The following YES1 variants were observed in gnomAD, a reference collection of about 807,000 sequenced individuals.
YES1 encodes YES proto-oncogene 1, Src family tyrosine kinase.
YES1 carries 39 observed loss-of-function variants against 70.4 expected under a neutral mutation model. The observed-to-expected ratio is 0.55, with a 90% CI of 0.43 to 0.72. The LOEUF is 0.72. YES1 is among the 30% of genes least tolerant of loss of function. YES1 has a pLI of 0.00. For missense variants in YES1, 495 were observed against 644.8 expected (o/e 0.77, Z 2.52); for synonymous variants, 198 against 218.6 (o/e 0.91, Z 0.83).
At chr18:743,226 A>G (rs3786347) in intron 7 of YES1, 34 bp downstream of exon 7, 857,195 of 1,598,228 alleles carry the variant, frequency 0.54, 232,263 homozygotes, top group East Asian at 0.69. Flanking sequence ...CCACAGCTAA[A>G]CAATGACAGA....
At chr18:732,476 A>G (rs7236252) in intron 11 of YES1, among the ~76,000 whole-genome samples, 64,592 of 144,720 alleles carry the variant, frequency 0.45, 14,741 homozygotes, top group African/African-American at 0.52. Flanking sequence ...CAATCACACT[A>G]CTGGGAAAGA....
At chr18:778,276 T>C (rs1397096198) in intron 1 of YES1, among the ~76,000 whole-genome samples, 4 of 152,216 alleles carry the variant, frequency 2.6e-5, no homozygotes, top group Non-Finnish European at 5.9e-5. Context: ...GCCTTGTGTA[T>C]AGCATTCTTT....
At chr18:770,420 G>T (rs1905101204) in intron 1 of YES1, among the ~76,000 whole-genome samples, 1 of 151,958 alleles carries the variant, frequency 6.6e-6, no homozygotes, top group South Asian at 2.1e-4. Flanking sequence ...ACATCAATCT[G>T]GTTGCTCTTT....
chr18:809,238 C>T (rs1361321761), intron 1 of YES1, among the ~76,000 whole-genome samples: 1 of 152,004 alleles, frequency 6.6e-6, no homozygotes, highest in East Asian at 1.9e-4. Flanking sequence ...TTAAAGAAAA[C>T]GAACTAGAAC....
intron 8 of YES1, among the ~76,000 whole-genome samples, chr18:740,223 G>T (rs1322736098): frequency 6.6e-6 from 1 of 152,146 alleles, no homozygotes; most frequent in African/African-American, 2.4e-5. Context: ...TGGAACTACT[G>T]CTGTGACCAA....
intron 1 of YES1, 85 bp from the exon 2 acceptor site, chr18:756,920 A>G (rs1336901817): frequency 1.6e-5 from 21 of 1,295,258 alleles, no homozygotes; most frequent in Non-Finnish European, 2.2e-5. Context: ...ATTTTAAGAA[A>G]AGCATATGCC....
At chr18:732,059 C>T (rs933299927) in intron 11 of YES1, among the ~76,000 whole-genome samples, 1 of 150,444 alleles carries the variant, frequency 6.6e-6, no homozygotes, top group South Asian at 2.1e-4. Context: ...TATTAAAGTG[C>T]TGGTTTATAA....
chr18:724,277 T>C lies in YES1; in HGVS notation c.*147A>G. 1.4e-6 allele frequency: 1 copy of C among 718,258 alleles called. No homozygotes were observed. The highest frequency in any genetic ancestry group is 2.3e-6 in the Non-Finnish European group (1 of 440,570). 44.5% of individuals were successfully genotyped at this position (718,258 alleles called of 1,614,324 possible). ...AGTTTAATACTTGGGGAAAAAAAAG[T>C]GGTTTTGTGCAACCATATCTGGGAT... On this transcript the variant is annotated 3_prime_UTR_variant, in exon 12 of 12. Coordinates refer to ENST00000314574, the MANE Select transcript of YES1 (RefSeq NM_005433.4).
In YES1 at chr18:793,342, A is replaced by G. The variant is rs533157967; in HGVS notation, c.-9+18772T>C. On this transcript the variant is annotated intron_variant, in intron 1 of 11. Coordinates refer to ENST00000314574, the MANE Select transcript of YES1 (RefSeq NM_005433.4). ...GCGTGAGCCACCGCGCCTGGCCATT[A>G]TAATTATTACCTGAAATGAGGTTTC... 9.9e-5 allele frequency among the ~76,000 whole-genome samples: 15 copies of G among 151,960 alleles called. No individual in the cohort carries two copies. The South Asian group carries it at 3.1e-3, about 32-fold the overall frequency.
chr18:749,335 T>C (rs1020650423), intron 3 of YES1, among the ~76,000 whole-genome samples: 9 of 150,832 alleles, frequency 6.0e-5, no homozygotes, highest in Non-Finnish European at 1.2e-4. Context: ...CTGTCCCTAC[T>C]AAAAATACAA....
intron 9 of YES1, chr18:739,182 T>G (rs1598894788): frequency 6.6e-6 from 1 of 152,258 alleles, no homozygotes; most frequent in African/African-American, 2.4e-5. Context: ...GACTAAGAGT[T>G]AGATAGCTGG....
chr18:734,201 C>T lies in YES1; in HGVS notation c.1292-1236G>A, dbSNP rs532497487. On this transcript the variant is annotated intron_variant, in intron 10 of 11. Transcript: ENST00000314574. ...GGCTGAGGCAGGAGAATTGCTTGAACCTGGGGGGCAGAGGTTGCAGTGAGC... is the reference window on the plus strand; with the variant it reads ...GGCTGAGGCAGGAGAATTGCTTGAATCTGGGGGGCAGAGGTTGCAGTGAGC... Among the ~76,000 whole-genome samples the T allele has an allele frequency of 2.6e-5, 4 of 151,380 alleles. No homozygotes were observed. The South Asian group carries it at 8.4e-4, about 32-fold the overall frequency.
At position 768,912 on chromosome 18, in the gene YES1, G is replaced by A. The variant is rs150497891; in HGVS notation, c.-8-12077C>T. On this transcript the variant is annotated intron_variant, in intron 1 of 11. Coordinates refer to ENST00000314574, the MANE Select transcript of YES1 (RefSeq NM_005433.4). Reference sequence around the variant, plus strand: ...GAGACAGGGTTTCCCCATGTTGGCTGGGCTGGTCTTGAACTCCTGACCTCC... The same window carrying A: ...GAGACAGGGTTTCCCCATGTTGGCTAGGCTGGTCTTGAACTCCTGACCTCC... Among the ~76,000 whole-genome samples the A allele has an allele frequency of 8.2e-4, 124 of 151,998 alleles. No homozygotes were observed. The East Asian group carries it at 0.022, about 27-fold the overall frequency.
intron 1 of YES1, among the ~76,000 whole-genome samples, chr18:798,679 T>C (rs1344009518): frequency 6.6e-6 from 1 of 152,180 alleles, no homozygotes; most frequent in Non-Finnish European, 1.5e-5. Context: ...ACTTTTCTAC[T>C]CTGACCCCCT....
chr18:744,079 T>A (rs1304050404), intron 6 of YES1, among the ~76,000 whole-genome samples: 2 of 150,522 alleles, frequency 1.3e-5, no homozygotes, highest in Non-Finnish European at 3.0e-5. Context: ...TATATTTTTT[T>A]AAGTTATTAT....
At chr18:769,991 C>T (rs1044968467) in intron 1 of YES1, among the ~76,000 whole-genome samples, 4 of 148,634 alleles carry the variant, frequency 2.7e-5, no homozygotes, top group East Asian at 3.9e-4. Flanking sequence ...CTTGCTCTAT[C>T]GCCCAGACTG....
At chr18:734,364 C>T (rs968361403) in intron 10 of YES1, among the ~76,000 whole-genome samples, 3 of 151,300 alleles carry the variant, frequency 2.0e-5, no homozygotes, top group Non-Finnish European at 2.9e-5. Flanking sequence ...ACCATCCTGG[C>T]TAATACGGTA....
intron 1 of YES1, among the ~76,000 whole-genome samples, chr18:759,454 C>G (rs1363182368): frequency 2.0e-5 from 3 of 152,054 alleles, no homozygotes; most frequent in African/African-American, 7.2e-5. Flanking sequence ...GCGACAAGAA[C>G]GAAACTCCGT....
At chr18:786,068 G>A (rs1293365720) in intron 1 of YES1, among the ~76,000 whole-genome samples, 1 of 152,210 alleles carries the variant, frequency 6.6e-6, no homozygotes, top group African/African-American at 2.4e-5. Flanking sequence ...CCAGCCTCCA[G>A]AACTGTGAGA....
Sources: gnomAD v4.1 joint callset for allele counts (sites outside exome capture counted in the v4.1 genomes callset) on GRCh38, gnomAD v4.1.1 for gene constraint, MANE v1.5 for transcripts, NCBI Gene and HGNC (gene_info 2026-07-23, HGNC 2026-07-21) for gene names.